Variants in SNX29 observed in about 807,000 individuals in gnomAD.
The protein encoded by SNX29 is sorting nexin 29.
Under a neutral mutation model 102.1 loss-of-function variants are expected in SNX29, and 78 were observed. That is an observed-to-expected ratio of 0.76 (90% confidence interval 0.64 to 0.92). The LOEUF (loss-of-function observed/expected upper bound fraction) is 0.92, where lower values mean the gene tolerates loss of function less well. SNX29 is among the 40% of genes least tolerant of loss of function. The pLI, the probability that SNX29 is intolerant of heterozygous loss-of-function variation, is 0.00. For synonymous variants in SNX29, 580 were observed against 414.5 expected, an observed-to-expected ratio of 1.40 and a Z score of -4.85; for missense variants, 1,280 against 1,061.7, an observed-to-expected ratio of 1.21 and a Z score of -2.86.
chr16:12,425,540 AAAAATAAAAAAAAT>A (rs1053980819), intron 18 of SNX29, among the ~76,000 whole-genome samples: 10 of 71,606 alleles, frequency 1.4e-4, no homozygotes, highest in South Asian at 9.7e-4. Context: ...AAAAAAAAAA[AAAAATAAAAAAAAT>A]AAAAAGAGGG....
chr16:12,548,850 C>T (rs111423087), intron 20 of SNX29, among the ~76,000 whole-genome samples: 1 of 152,228 alleles, frequency 6.6e-6, no homozygotes, highest in African/African-American at 2.4e-5. Flanking sequence ...CTCAGTTCCT[C>T]TGCTCTGCAG....
At chr16:12,562,507 C>G (rs1567207743) in intron 20 of SNX29, among the ~76,000 whole-genome samples, 1 of 152,146 alleles carries the variant, frequency 6.6e-6, no homozygotes, top group Non-Finnish European at 1.5e-5. Flanking sequence ...CGTGAGCAGC[C>G]CAAGTACACC....
At chr16:12,380,694 A>ACCAACCATCAAT (rs2083067319) in intron 16 of SNX29, among the ~76,000 whole-genome samples, 1 of 36,014 alleles carries the variant, frequency 2.8e-5, no homozygotes, top group African/African-American at 7.4e-5. Context: ...CCATCCACCC[A>ACCAACCATCAAT]TCCACCCACC....
chr16:12,345,313 G>A (rs2081761209), intron 15 of SNX29, among the ~76,000 whole-genome samples: 1 of 152,196 alleles, frequency 6.6e-6, no homozygotes, highest in Non-Finnish European at 1.5e-5. Context: ...ATGGGCAAGT[G>A]TTCTAGTCCC....
intron 18 of SNX29, among the ~76,000 whole-genome samples, chr16:12,458,006 C>G (rs2086613449): frequency 6.6e-6 from 1 of 152,178 alleles, no homozygotes; most frequent in Non-Finnish European, 1.5e-5. Flanking sequence ...TTTTTCATTA[C>G]TCTGAAATGA....
chr16:12,559,702 T>C (rs2078603690), intron 20 of SNX29, among the ~76,000 whole-genome samples: 1 of 152,028 alleles, frequency 6.6e-6, no homozygotes, highest in Non-Finnish European at 1.5e-5. Flanking sequence ...GAGCTTCCCA[T>C]CTCCCATGGT....
At chr16:12,544,175 G>A (rs7205029) in intron 20 of SNX29, among the ~76,000 whole-genome samples, 5,171 of 152,256 alleles carry the variant, frequency 0.034, 219 homozygotes, top group African/African-American at 0.092. Flanking sequence ...GATGGGAATC[G>A]GTGGTGTGCA....
At chr16:12,358,651 C>T (rs1195588067) in intron 16 of SNX29, among the ~76,000 whole-genome samples, 3 of 152,332 alleles carry the variant, frequency 2.0e-5, no homozygotes, top group East Asian at 1.9e-4. Context: ...GGTCCAGCCC[C>T]GCACCCTGGA....
At chr16:12,048,227 A>G (rs2050163672) in intron 6 of SNX29, 145 bp from the exon 7 acceptor site, 2 of 1,187,110 alleles carry the variant, frequency 1.7e-6, no homozygotes, top group Non-Finnish European at 1.2e-6. Context: ...CGCTCCCTGC[A>G]ACGTCCGCAT....
intron 8 of SNX29, among the ~76,000 whole-genome samples, chr16:12,059,119 C>T (rs891836398): frequency 6.6e-6 from 1 of 152,070 alleles, no homozygotes; most frequent in Non-Finnish European, 1.5e-5. Flanking sequence ...GGGCTCACTT[C>T]TCGGGTTTGG....
intron 15 of SNX29, among the ~76,000 whole-genome samples, chr16:12,343,040 T>G (rs1356336638): frequency 2.0e-5 from 3 of 152,264 alleles, no homozygotes; most frequent in Non-Finnish European, 4.4e-5. Context: ...TTTAATGTTC[T>G]TTCATTTACT....
rs114215644 is a variant in SNX29 at position 12,567,301 on chromosome 16, C to T, written c.2319-1205C>T. Among the ~76,000 whole-genome samples the T allele has an allele frequency of 6.5e-3, 976 of 150,922 alleles. 12 individuals are homozygous for T. The highest frequency in any genetic ancestry group is 0.023 in the African/African-American group (929 of 40,218). On this transcript the variant is annotated intron_variant, in intron 20 of 20. Transcript: ENST00000566228. Reference sequence around the variant, plus strand: ...TCCAGGACTTACATCCAGCAAGCCACAGCAGCACAGAGGTGCTGCGGACGC... The same window carrying T: ...TCCAGGACTTACATCCAGCAAGCCATAGCAGCACAGAGGTGCTGCGGACGC...
chr16:12,067,122 C>G (rs1207862188), intron 9 of SNX29, among the ~76,000 whole-genome samples: 1 of 151,956 alleles, frequency 6.6e-6, no homozygotes, highest in Admixed American at 6.6e-5. Context: ...GAGTTTGAGG[C>G]TGCAGTGAGC....
intron 14 of SNX29, among the ~76,000 whole-genome samples, chr16:12,207,423 C>G (rs1177118501): frequency 1.3e-5 from 2 of 152,156 alleles, no homozygotes; most frequent in Non-Finnish European, 2.9e-5. Context: ...GAGCTGTTCA[C>G]CACCACTGTG....
chr16:12,056,391 A>C (rs535450897), intron 8 of SNX29, among the ~76,000 whole-genome samples: 7 of 152,324 alleles, frequency 4.6e-5, no homozygotes, highest in Admixed American at 4.6e-4. Context: ...TCTCCCCGGC[A>C]TTAAGAGGGA....
At chr16:12,422,106 C>T (rs1471358133) in intron 18 of SNX29, among the ~76,000 whole-genome samples, 2 of 152,200 alleles carry the variant, frequency 1.3e-5, no homozygotes, top group African/African-American at 4.8e-5. Context: ...TCTCTCCTTT[C>T]TTAGGGAAAC....
chr16:12,450,636 G>T (rs1031844670), intron 18 of SNX29, among the ~76,000 whole-genome samples: 2 of 152,232 alleles, frequency 1.3e-5, no homozygotes, highest in Non-Finnish European at 2.9e-5. Flanking sequence ...TCAGGCCACG[G>T]TTACCAAAGA....
chr16:11,982,916 A>G (rs2055455479), intron 1 of SNX29, among the ~76,000 whole-genome samples: 1 of 151,980 alleles, frequency 6.6e-6, no homozygotes, highest in Admixed American at 6.6e-5. Context: ...TTTTTATTAA[A>G]AAAAATTTTT....
chr16:12,162,638 G>A (rs2055838557), intron 13 of SNX29, among the ~76,000 whole-genome samples: 2 of 152,328 alleles, frequency 1.3e-5, no homozygotes, highest in African/African-American at 4.8e-5. Flanking sequence ...TACACAACAG[G>A]CTGGATTTGT....
Sources: allele counts gnomAD v4.1 joint callset (sites outside exome capture counted in the v4.1 genomes callset), GRCh38; gene constraint gnomAD v4.1.1; transcripts MANE v1.5; gene names NCBI Gene and HGNC (gene_info 2026-07-23, HGNC 2026-07-21).